Variants in GABPB2 observed in about 807,000 individuals in gnomAD.
GABPB2 encodes the protein GA-binding protein subunit beta-2.
A neutral mutation model predicts 39.1 loss-of-function variants in GABPB2; 23 were observed. The observed-to-expected ratio is 0.59, with a 90% CI of 0.42 to 0.83. The LOEUF is 0.83. GABPB2 is among the 40% of genes least tolerant of loss of function. The pLI is 0.00. For synonymous variants in GABPB2, 184 were observed against 199.3 expected, an observed-to-expected ratio of 0.92 and a Z score of 0.65; for missense variants, 467 against 541.1, an observed-to-expected ratio of 0.86 and a Z score of 1.36.
chr1:151,080,654 C>G (rs1331230618), intron 1 of GABPB2, among the ~76,000 whole-genome samples: 5 of 150,836 alleles, frequency 3.3e-5, no homozygotes, highest in African/African-American at 1.2e-4. Context: ...TCAAGACCAG[C>G]CTGGCCAAGA....
At chr1:151,088,885 A>G (rs894201222) in intron 2 of GABPB2, among the ~76,000 whole-genome samples, 1 of 152,202 alleles carries the variant, frequency 6.6e-6, no homozygotes, top group Admixed American at 6.6e-5. Flanking sequence ...CTGTAATCCC[A>G]GCTACTTGAG....
intron 7 of GABPB2, among the ~76,000 whole-genome samples, chr1:151,116,322 G>A (rs1680855552): frequency 6.6e-6 from 1 of 151,782 alleles, no homozygotes; most frequent in Admixed American, 6.6e-5. Flanking sequence ...CCTGGGAAGC[G>A]GAGGTTGCAG....
At chr1:151,089,077 C>A (rs587768701) in intron 2 of GABPB2, among the ~76,000 whole-genome samples, 2 of 152,222 alleles carry the variant, frequency 1.3e-5, no homozygotes, top group East Asian at 3.9e-4. Context: ...TTAGCCTCAA[C>A]CATCTTGGAG....
chr1:151,097,703 C>G lies in GABPB2; in HGVS notation c.472-149C>G, dbSNP rs1679197772. 1.4e-5 allele frequency: 9 copies of G among 648,000 alleles called. No homozygotes were observed. In the Admixed American group the frequency reaches 2.6e-4, roughly 19 times the overall value. 40.1% of individuals were successfully genotyped at this position (648,000 alleles called of 1,614,324 possible). A position where few individuals can be genotyped will look rare whatever the true frequency, so the allele number is the denominator to read the frequency against. ...GTGAGTCATGAGAATTGCCTGAACC[C>G]AGGAGGTGGAGGTTGCAATGAGCCA... On this transcript the variant is annotated intron_variant, in intron 4 of 8. Transcript: ENST00000368918.
At chr1:151,104,789 CTTTCTTTCTTTCT>C (rs1368179676) in intron 6 of GABPB2, among the ~76,000 whole-genome samples, 1,149 of 56,984 alleles carry the variant, frequency 0.02, 18 homozygotes, top group African/African-American at 0.053. Flanking sequence ...TTCTTTCTTT[CTTTCTTTCTTTCT>C]TTTCTTTCTT....
At chr1:151,085,840 A>G (rs969873829) in intron 1 of GABPB2, among the ~76,000 whole-genome samples, 1 of 152,170 alleles carries the variant, frequency 6.6e-6, no homozygotes, top group African/African-American at 2.4e-5. Context: ...GAAGTATTTT[A>G]TGTCGGATAG....
At chr1:151,085,505 A>G (rs972011390) in intron 1 of GABPB2, among the ~76,000 whole-genome samples, 2 of 152,044 alleles carry the variant, frequency 1.3e-5, no homozygotes, top group East Asian at 1.9e-4. Flanking sequence ...CGGTGGCACA[A>G]TCTCGGCTCA....
At chr1:151,092,231 G>A (rs796474281) in intron 3 of GABPB2, among the ~76,000 whole-genome samples, 13 of 147,180 alleles carry the variant, frequency 8.8e-5, no homozygotes, top group African/African-American at 2.0e-4. Context: ...CTCAGCCTCC[G>A]GAGTAGCTGG....
Position 151,109,345 on chromosome 1 carries a change from T to TATATATATATACACAA in GABPB2, c.922+2134_922+2135insCACAAATATATATATA, listed in dbSNP as rs1680211758. Among the ~76,000 whole-genome samples the TATATATATATACACAA allele has an allele frequency of 2.4e-5, 3 of 124,786 alleles. No individual in the cohort carries two copies. The Admixed American group carries it at 2.5e-4, about 10-fold the overall frequency. 81.9% of individuals were successfully genotyped at this position (124,786 alleles called of 152,430 possible). On this transcript the variant is annotated intron_variant, in intron 7 of 8. Coordinates refer to ENST00000368918, the MANE Select transcript of GABPB2 (RefSeq NM_144618.3). ...ACACAAATATATATATATACACAAA[T>TATATATATATACACAA]ATATATATATATATATATATTTTTT...
Position 151,097,841 on chromosome 1 carries a change from T to C in GABPB2, c.472-11T>C, listed in dbSNP as rs1431909815. ...AGTGTTCTGATTGAAATATCCTGCCTTGTTTGATAGGAAGCAATGCAGAAT... is the reference window on the plus strand; with the variant it reads ...AGTGTTCTGATTGAAATATCCTGCCCTGTTTGATAGGAAGCAATGCAGAAT... On this transcript the variant is annotated splice_polypyrimidine_tract_variant and intron_variant, in intron 4 of 8. Transcript: ENST00000368918. 6.2e-7 allele frequency: 1 copy of C among 1,612,238 alleles called. No homozygotes were observed. The highest frequency in any genetic ancestry group is 2.2e-5 in the East Asian group (1 of 44,860).
At chr1:151,100,627 C>T (rs1435699092) in intron 5 of GABPB2, among the ~76,000 whole-genome samples, 3 of 100,100 alleles carry the variant, frequency 3.0e-5, no homozygotes, top group Admixed American at 1.6e-4. Context: ...TTAACTCTGT[C>T]ACTCAGGCTG....
chr1:151,109,828 C>A (rs1178913288), intron 7 of GABPB2, among the ~76,000 whole-genome samples: 1 of 151,372 alleles, frequency 6.6e-6, no homozygotes, highest in African/African-American at 2.4e-5. Flanking sequence ...CACCACCACA[C>A]CTGGCTAATT....
rs587629784 is a variant in GABPB2 at position 151,088,395 on chromosome 1, T to C, written c.108+98T>C. 152 of 1,253,684 alleles carry C rather than the reference T, an allele frequency of 1.2e-4. No homozygotes were observed. In the African/African-American group the frequency reaches 2.0e-3, roughly 17 times the overall value. The allele number at this position is 1,253,684 out of a possible 1,614,324, so 77.7% of individuals were successfully genotyped here. On this transcript the variant is annotated intron_variant, in intron 2 of 8. Transcript: ENST00000368918. ...AGACTATTGGTTTTTCTTCACTCCC[T>C]TTCTACCTCATATCCCTTACAAGAG...
In GABPB2 at chr1:151,097,853, A is replaced by G; in HGVS notation, c.473A>G (p.Glu158Gly). 1 of 1,613,672 alleles carries G rather than the reference A, an allele frequency of 6.2e-7. No homozygotes were observed. The highest frequency in any genetic ancestry group is 8.5e-7 in the Non-Finnish European group (1 of 1,179,722). Residue 158 changes from glutamate (E) to glycine (G), a missense_variant and splice_region_variant, in exon 5 of 9, where the codon GAA (glutamate) becomes GGA (glycine). Transcript: ENST00000368918. ...NNAEILVILQEAMQNQVNVNP... is the reference protein window; with the variant it reads ...NNAEILVILQGAMQNQVNVNP... ...GAAATATCCTGCCTTGTTTGATAGGAAGCAATGCAGAATCAGGTGAATGTT... is the reference window on the plus strand; with the variant it reads ...GAAATATCCTGCCTTGTTTGATAGGGAGCAATGCAGAATCAGGTGAATGTT...
At chr1:151,072,697 A>C (rs180914430) in intron 1 of GABPB2, among the ~76,000 whole-genome samples, 5 of 152,044 alleles carry the variant, frequency 3.3e-5, no homozygotes, top group Middle Eastern at 3.4e-3. Context: ...AATACAAAAA[A>C]TTAGCCGGGC....
rs587659684 is a variant in GABPB2 at position 151,089,562 on chromosome 1, C to T, written c.109-844C>T. Among the ~76,000 whole-genome samples, 48 of 152,276 alleles carry T rather than the reference C, an allele frequency of 3.2e-4. 1 individual carries two copies. In the South Asian group the frequency reaches 3.3e-3, roughly 11 times the overall value. On this transcript the variant is annotated intron_variant, in intron 2 of 8. Transcript: ENST00000368918. ...TGCCCTGCTTTACTGTGGCAAAAAA[C>T]TTTTCTTCCAGTCAGTCAAATTTGT...
chr1:151,108,178 T>A (rs989426033), intron 7 of GABPB2, among the ~76,000 whole-genome samples: 1 of 152,134 alleles, frequency 6.6e-6, no homozygotes, highest in Admixed American at 6.5e-5. Context: ...TTTTGTTTGC[T>A]TGTTTGTTTG....
chr1:151,088,184 A>G lies in GABPB2; in HGVS notation c.1-6A>G, dbSNP rs1678361798. On this transcript the variant is annotated splice_polypyrimidine_tract_variant and splice_region_variant and intron_variant, in intron 1 of 8. Transcript: ENST00000368918. ...TACCTGAAAACTTTTGTTCCTATGC[A>G]TAAAGATGTCTTTGGTGGACTTGGG... The G allele has an allele frequency of 6.8e-6, 11 of 1,611,710 alleles. No individual in the cohort carries two copies. The highest frequency in any genetic ancestry group is 1.1e-5 in the South Asian group (1 of 91,030).
chr1:151,106,978 T>G (rs1680017586), intron 6 of GABPB2, 59 bp from the exon 7 acceptor site: 2 of 1,218,246 alleles, frequency 1.6e-6, no homozygotes, highest in African/African-American at 3.1e-5. Context: ...AGGTTGAAAT[T>G]GCTATACTCC....
Sources: allele counts gnomAD v4.1 joint callset (sites outside exome capture counted in the v4.1 genomes callset), GRCh38; gene constraint gnomAD v4.1.1; transcripts MANE v1.5; gene names NCBI Gene and HGNC (gene_info 2026-07-23, HGNC 2026-07-21).